TMOD3: variants seen among roughly 807,000 people sequenced by gnomAD.
The protein encoded by TMOD3 is tropomodulin 3, also known as tropomodulin-3.
A neutral mutation model predicts 39.2 loss-of-function variants in TMOD3; 20 were observed. The observed-to-expected ratio is 0.51, with a 90% CI of 0.36 to 0.74. The LOEUF (loss-of-function observed/expected upper bound fraction) is 0.74, where lower values mean the gene tolerates loss of function less well. TMOD3 is among the 30% of genes least tolerant of loss of function. The pLI is 0.00. For missense variants in TMOD3, 381 were observed against 412.8 expected (o/e 0.92, Z 0.67); for synonymous variants, 143 against 145.8 (o/e 0.98, Z 0.14).
At chr15:51,865,357 C>T (rs1253820946) in intron 2 of TMOD3, among the ~76,000 whole-genome samples, 2 of 152,132 alleles carry the variant, frequency 1.3e-5, no homozygotes, top group African/African-American at 4.8e-5. Flanking sequence ...AATTAGGTAA[C>T]TTGCCTCAGT....
At chr15:51,830,199 A>G (rs898017567) in intron 1 of TMOD3, among the ~76,000 whole-genome samples, 3 of 152,190 alleles carry the variant, frequency 2.0e-5, no homozygotes, top group Admixed American at 2.0e-4. Context: ...ACGCGATCAC[A>G]CCGAGATGGC....
intron 9 of TMOD3, among the ~76,000 whole-genome samples, chr15:51,907,496 C>T (rs2916172): frequency 0.36 from 55,344 of 151,948 alleles, 10,459 homozygotes; most frequent in Middle Eastern, 0.43. Context: ...TATTAAAGGC[C>T]GACAAACAGA....
At chr15:51,902,381 C>T (rs1005442045) in intron 9 of TMOD3, among the ~76,000 whole-genome samples, 3 of 152,086 alleles carry the variant, frequency 2.0e-5, no homozygotes, top group East Asian at 1.9e-4. Flanking sequence ...TTTAATCAAG[C>T]GGACCCAGAT....
At chr15:51,856,606 A>G (rs2056388881) in intron 1 of TMOD3, among the ~76,000 whole-genome samples, 1 of 149,264 alleles carries the variant, frequency 6.7e-6, no homozygotes, top group South Asian at 2.1e-4. Context: ...TATTAAGGGC[A>G]TTTTTTTTTT....
intron 5 of TMOD3, among the ~76,000 whole-genome samples, chr15:51,892,143 G>A (rs1315895331): frequency 6.6e-6 from 1 of 152,168 alleles, no homozygotes. Flanking sequence ...AGTGCACCCT[G>A]TCTCAAGATG....
chr15:51,848,694 C>T (rs2056347232), intron 1 of TMOD3, among the ~76,000 whole-genome samples: 1 of 152,204 alleles, frequency 6.6e-6, no homozygotes, highest in Non-Finnish European at 1.5e-5. Context: ...TTGATCCTAA[C>T]TACTATTAAT....
In TMOD3 at chr15:51,896,527, G is replaced by C. The variant is rs2056621755; in HGVS notation, c.735+1G>C. 6.2e-7 allele frequency: 1 copy of C among 1,606,346 alleles called. No individual in the cohort carries two copies. Among genetic ancestry groups the C allele is most frequent in the Non-Finnish European group, 8.5e-7 (1 of 1,174,082 alleles). On this transcript the variant is annotated splice_donor_variant, in intron 7 of 9. Coordinates refer to ENST00000308580, the MANE Select transcript of TMOD3 (RefSeq NM_014547.5). LOFTEE classifies it high-confidence loss of function. ...CCGGAGCAATGACCCTGTTGCTACT[G>C]TAAGTAAGCGACTTGAGAATATCAA...
intron 9 of TMOD3, among the ~76,000 whole-genome samples, chr15:51,905,729 A>G (rs774154386): frequency 2.0e-5 from 3 of 152,110 alleles, no homozygotes; most frequent in East Asian, 1.9e-4. Flanking sequence ...CGTATTGACA[A>G]CTTATATCAG....
intron 1 of TMOD3, among the ~76,000 whole-genome samples, chr15:51,852,490 T>C (rs2056367395): frequency 6.6e-6 from 1 of 152,184 alleles, no homozygotes. Context: ...GATTTTTTGT[T>C]TTGTTTTTAG....
intron 1 of TMOD3, among the ~76,000 whole-genome samples, chr15:51,861,597 A>C (rs1333255428): frequency 3.3e-5 from 5 of 152,200 alleles, no homozygotes; most frequent in Non-Finnish European, 7.3e-5. Context: ...TTTTGCAGTC[A>C]AGAAAAACGT....
chr15:51,849,101 G>T (rs1001625303), intron 1 of TMOD3, among the ~76,000 whole-genome samples: 18 of 152,176 alleles, frequency 1.2e-4, no homozygotes, highest in Non-Finnish European at 1.5e-5. Flanking sequence ...CAGAGTGGAA[G>T]GAAGCAGTGG....
At chr15:51,889,658 C>A (rs1006404230) in intron 5 of TMOD3, among the ~76,000 whole-genome samples, 1 of 152,024 alleles carries the variant, frequency 6.6e-6, no homozygotes, top group Non-Finnish European at 1.5e-5. Context: ...TTGCTTGAGT[C>A]CAGGAGTTCA....
rs948296656 is a variant in TMOD3, at chr15:51,912,561, G to A, written c.*3751G>A. 1 of 151,590 alleles carries A rather than the reference G, an allele frequency of 6.6e-6. No homozygotes were observed. The highest frequency in any genetic ancestry group is 2.4e-5 in the African/African-American group (1 of 41,216). 9.4% of individuals were successfully genotyped at this position (151,590 alleles called of 1,614,324 possible). A position where few individuals can be genotyped will look rare whatever the true frequency, so the allele number is the denominator to read the frequency against. Reference sequence around the variant, plus strand: ...TATAAAATCTTACATTTTAGGGTCTGTGTTCCCAGGGCTGCCTCACTTTTT... The same window carrying A: ...TATAAAATCTTACATTTTAGGGTCTATGTTCCCAGGGCTGCCTCACTTTTT... On this transcript the variant is annotated 3_prime_UTR_variant, in exon 10 of 10. Transcript: ENST00000308580.
chr15:51,830,714 C>T (rs954116639), intron 1 of TMOD3, among the ~76,000 whole-genome samples: 1 of 152,158 alleles, frequency 6.6e-6, no homozygotes, highest in Admixed American at 6.5e-5. Context: ...TTTCATGCAG[C>T]TCATGTCTCC....
At position 51,914,044 on chromosome 15, in the gene TMOD3, C is replaced by G. The variant is rs1405458918; in HGVS notation, c.*5234C>G. On this transcript the variant is annotated 3_prime_UTR_variant, in exon 10 of 10. Coordinates refer to ENST00000308580, the MANE Select transcript of TMOD3 (RefSeq NM_014547.5). ...AAAAAAAAAAAAAAAGAGCTATACT[C>G]ATAGTACTTTGGGAGACCAAGCAGG... 1 of 147,354 alleles carries G rather than the reference C, an allele frequency of 6.8e-6. No individual in the cohort carries two copies. Among genetic ancestry groups the G allele is most frequent in the Non-Finnish European group, 1.5e-5 (1 of 67,346 alleles). 9.1% of individuals were successfully genotyped at this position (147,354 alleles called of 1,614,324 possible). A position where few individuals can be genotyped will look rare whatever the true frequency, so the allele number is the denominator to read the frequency against.
At chr15:51,884,348 A>C (rs969242542) in intron 3 of TMOD3, among the ~76,000 whole-genome samples, 2 of 152,252 alleles carry the variant, frequency 1.3e-5, no homozygotes, top group Non-Finnish European at 2.9e-5. Context: ...ACACATGTGC[A>C]GAATGTCTAA....
chr15:51,885,787 C>T (rs1040794856), intron 3 of TMOD3, among the ~76,000 whole-genome samples: 3 of 152,244 alleles, frequency 2.0e-5, no homozygotes. Flanking sequence ...ATGGCCCGTT[C>T]TCAATGAGCT....
intron 1 of TMOD3, among the ~76,000 whole-genome samples, chr15:51,832,232 T>TATATATATATATATATATATATATATA (rs2056260176): frequency 1.5e-5 from 2 of 137,418 alleles, no homozygotes; most frequent in Non-Finnish European, 3.2e-5. Flanking sequence ...TATATATATA[T>TATATATATATATATATATATATATATA]GAATGACATG....
chr15:51,882,457 C>T (rs2056539821), intron 3 of TMOD3, among the ~76,000 whole-genome samples: 1 of 151,952 alleles, frequency 6.6e-6, no homozygotes, highest in African/African-American at 2.4e-5. Context: ...TGAGATTGTA[C>T]CACTGCACTC....
Sources: allele counts gnomAD v4.1 joint callset (sites outside exome capture counted in the v4.1 genomes callset), GRCh38; gene constraint gnomAD v4.1.1; transcripts MANE v1.5; gene names NCBI Gene and HGNC (gene_info 2026-07-23, HGNC 2026-07-21).